The following SNTG1 variants were observed in gnomAD, a reference collection of about 807,000 sequenced individuals.
The protein encoded by SNTG1 is syntrophin gamma 1, also known as gamma-1-syntrophin.
SNTG1 carries 39 observed loss-of-function variants against 74.7 expected under a neutral mutation model. That is an observed-to-expected ratio of 0.52 (90% CI 0.40 to 0.68). The LOEUF (loss-of-function observed/expected upper bound fraction) is 0.68, where lower values mean the gene tolerates loss of function less well. SNTG1 is among the 30% of genes least tolerant of loss of function. The pLI, the probability that SNTG1 is intolerant of heterozygous loss-of-function variation, is 0.00. For synonymous variants in SNTG1, 254 were observed against 217.1 expected (o/e 1.17, Z -1.49); for missense variants, 685 against 609.5 (o/e 1.12, Z -1.30).
chr8:50,544,861 T>C lies in SNTG1; in HGVS notation c.680+8053T>C, dbSNP rs770817515. 2.0e-3 allele frequency among the ~76,000 whole-genome samples: 308 copies of C among 152,110 alleles called. 2 individuals carry two copies. The highest frequency in any genetic ancestry group is 2.4e-3 in the Non-Finnish European group (165 of 67,916). On this transcript the variant is annotated intron_variant, in intron 11 of 18. Coordinates refer to ENST00000642720, the MANE Select transcript of SNTG1 (RefSeq NM_018967.5). ...TCTGTAAAAGCTCACAGACTAGTAG[T>C]AGTAGATTCAGTGAGGGAGTGGGGG... is the stretch of plus-strand genomic sequence containing the variant.
chr8:50,370,818 T>G (rs528836130), intron 2 of SNTG1, among the ~76,000 whole-genome samples: 2 of 152,100 alleles, frequency 1.3e-5, no homozygotes, highest in South Asian at 4.1e-4. Context: ...ATTTTCTAAT[T>G]TATACAAGCA....
intron 1 of SNTG1, among the ~76,000 whole-genome samples, chr8:49,986,776 G>T (rs1421461980): frequency 6.6e-6 from 1 of 151,990 alleles, no homozygotes; most frequent in Non-Finnish European, 1.5e-5. Flanking sequence ...AGCTGCTCGG[G>T]AGGCAGAGGT....
intron 17 of SNTG1, among the ~76,000 whole-genome samples, chr8:50,728,051 C>A (rs12544285): frequency 6.6e-6 from 1 of 151,980 alleles, no homozygotes; most frequent in African/African-American, 2.4e-5. Context: ...CTCACATTCC[C>A]CATTTGAGCA....
chr8:50,567,304 G>C (rs568429399), intron 12 of SNTG1, among the ~76,000 whole-genome samples: 1 of 152,066 alleles, frequency 6.6e-6, no homozygotes, highest in East Asian at 1.9e-4. Flanking sequence ...TTTCCTACTG[G>C]AATACTGAAA....
At chr8:50,553,596 G>T (rs993276443) in intron 12 of SNTG1, among the ~76,000 whole-genome samples, 1 of 152,074 alleles carries the variant, frequency 6.6e-6, no homozygotes, top group Non-Finnish European at 1.5e-5. Context: ...GAGACTGAAG[G>T]GAACAGTCAG....
intron 13 of SNTG1, among the ~76,000 whole-genome samples, chr8:50,596,116 C>T (rs1480023435): frequency 6.6e-6 from 1 of 151,868 alleles, no homozygotes; most frequent in Non-Finnish European, 1.5e-5. Flanking sequence ...TCGTAGATAT[C>T]CCTATGGTCA....
At chr8:50,633,302 G>C in intron 13 of SNTG1, among the ~76,000 whole-genome samples, 1 of 152,116 alleles carries the variant, frequency 6.6e-6, no homozygotes, top group East Asian at 1.9e-4. Context: ...GTCAGTCTCA[G>C]GCCTGGTACT....
intron 15 of SNTG1, among the ~76,000 whole-genome samples, chr8:50,696,113 A>G (rs1190266001): frequency 2.0e-5 from 3 of 152,114 alleles, no homozygotes; most frequent in South Asian, 2.1e-4. Flanking sequence ...TTTTCTCTAT[A>G]TCTTCACCAA....
rs542847222 is a variant in SNTG1, at chr8:50,355,056, A to G, written c.-27-39156A>G. On this transcript the variant is annotated intron_variant, in intron 2 of 18. Coordinates refer to ENST00000642720, the MANE Select transcript of SNTG1 (RefSeq NM_018967.5). ...GAAGCGTGCATTGTTTCAGTCAAGG[A>G]AGCCTGAGTTCGGGGAGGTGTGGAA... Among the ~76,000 whole-genome samples the G allele has an allele frequency of 2.6e-5, 4 of 152,284 alleles. No individual in the cohort carries two copies. In the South Asian group the frequency reaches 8.3e-4, roughly 32 times the overall value.
intron 1 of SNTG1, among the ~76,000 whole-genome samples, chr8:49,919,376 C>T (rs1806329481): frequency 6.6e-6 from 1 of 152,048 alleles, no homozygotes; most frequent in South Asian, 2.1e-4. Context: ...AAATGACTAG[C>T]ATAGTGCAGT....
At chr8:50,596,600 T>G (rs2094728770) in intron 13 of SNTG1, among the ~76,000 whole-genome samples, 1 of 152,062 alleles carries the variant, frequency 6.6e-6, no homozygotes, top group South Asian at 2.1e-4. Flanking sequence ...CACATACATG[T>G]GGGCCTATTT....
chr8:49,992,355 G>A (rs368880364), intron 1 of SNTG1, among the ~76,000 whole-genome samples: 25 of 152,202 alleles, frequency 1.6e-4, no homozygotes, highest in South Asian at 6.2e-4. Context: ...GTCCACCACC[G>A]GGCACTAACT....
At chr8:50,241,075 G>A (rs759239014) in intron 2 of SNTG1, among the ~76,000 whole-genome samples, 4 of 152,166 alleles carry the variant, frequency 2.6e-5, no homozygotes, top group Non-Finnish European at 4.4e-5. Context: ...TAGGAAGTTA[G>A]AGTAAGTAGA....
rs577740390 is a variant in SNTG1 at position 50,070,119 on chromosome 8, G to T, written c.-102-102442G>T. On this transcript the variant is annotated intron_variant, in intron 1 of 18. Coordinates refer to ENST00000642720, the MANE Select transcript of SNTG1 (RefSeq NM_018967.5). Reference sequence around the variant, plus strand: ...TACTAAAAATATAATCATTACAATAGTTAATAAGGTATTTTAATGCAAATC... The same window carrying T: ...TACTAAAAATATAATCATTACAATATTTAATAAGGTATTTTAATGCAAATC... Among the ~76,000 whole-genome samples the T allele has an allele frequency of 2.6e-5, 4 of 152,222 alleles. No individual in the cohort carries two copies. The South Asian group carries it at 8.3e-4, about 32-fold the overall frequency.
At chr8:50,056,851 T>G (rs1459530183) in intron 1 of SNTG1, among the ~76,000 whole-genome samples, 1 of 152,178 alleles carries the variant, frequency 6.6e-6, no homozygotes, top group East Asian at 1.9e-4. Context: ...GCTGCATTTG[T>G]TAGGATCAAG....
At chr8:50,553,846 A>C (rs2094440879) in intron 12 of SNTG1, among the ~76,000 whole-genome samples, 1 of 152,176 alleles carries the variant, frequency 6.6e-6, no homozygotes, top group Non-Finnish European at 1.5e-5. Context: ...ACCTCACCTT[A>C]CTGAGTATCA....
chr8:50,414,127 T>C (rs956903020), intron 4 of SNTG1, among the ~76,000 whole-genome samples: 2 of 152,192 alleles, frequency 1.3e-5, no homozygotes, highest in African/African-American at 4.8e-5. Flanking sequence ...GATTTCTCAC[T>C]GTGGGCTCAT....
chr8:50,704,482 A>T, intron 15 of SNTG1, 118 bp from the exon 16 acceptor site: 1 of 1,268,590 alleles, frequency 7.9e-7, no homozygotes, highest in Non-Finnish European at 1.1e-6. Context: ...AGACTTGGTG[A>T]ATTCGCAGAG....
intron 11 of SNTG1, among the ~76,000 whole-genome samples, chr8:50,552,693 G>T (rs558614056): frequency 5.9e-5 from 9 of 152,220 alleles, no homozygotes; most frequent in African/African-American, 2.2e-4. Flanking sequence ...AGGAGACAAT[G>T]GTAGCCAAAA....
Sources: gnomAD v4.1 joint callset for allele counts (sites outside exome capture counted in the v4.1 genomes callset) on GRCh38, gnomAD v4.1.1 for gene constraint, MANE v1.5 for transcripts, NCBI Gene and HGNC (gene_info 2026-07-23, HGNC 2026-07-21) for gene names.